Variants in NAALADL2 observed in about 807,000 individuals in gnomAD.
NAALADL2 encodes the protein inactive N-acetylated-alpha-linked acidic dipeptidase-like protein 2.
NAALADL2 carries 76 observed loss-of-function variants against 87.2 expected under a neutral mutation model. That is an observed-to-expected ratio of 0.87 (90% confidence interval 0.72 to 1.05). The LOEUF is 1.05. Among genes scored for constraint, NAALADL2 ranks in the 50% least tolerant of loss-of-function variants. The pLI is 0.00. For synonymous variants in NAALADL2, 354 were observed against 331.0 expected (o/e 1.07, Z -0.75); for missense variants, 1,089 against 945.8 (o/e 1.15, Z -1.99).
intron 9 of NAALADL2, among the ~76,000 whole-genome samples, chr3:175,562,906 C>T (rs1716497195): frequency 1.3e-5 from 2 of 151,712 alleles, no homozygotes; most frequent in African/African-American, 4.8e-5. Context: ...GGAGAAAACA[C>T]AGTTTTAAGT....
intron 1 of NAALADL2, among the ~76,000 whole-genome samples, chr3:175,090,722 C>T (rs1404308717): frequency 6.6e-6 from 1 of 152,050 alleles, no homozygotes; most frequent in African/African-American, 2.4e-5. Context: ...CTTGATTATC[C>T]ACTATGCCTA....
intron 1 of NAALADL2, among the ~76,000 whole-genome samples, chr3:174,959,513 C>T (rs1741673813): frequency 6.6e-6 from 1 of 151,888 alleles, no homozygotes; most frequent in Non-Finnish European, 1.5e-5. Context: ...GATTGCTGAG[C>T]ACAATACATA....
intron 4 of NAALADL2, among the ~76,000 whole-genome samples, chr3:175,294,478 G>T (rs1251714006): frequency 1.3e-5 from 2 of 152,068 alleles, no homozygotes; most frequent in African/African-American, 4.8e-5. Context: ...TCCTAAATAT[G>T]CACTTCCCCT....
At chr3:175,523,095 T>A (rs1732878906) in intron 9 of NAALADL2, among the ~76,000 whole-genome samples, 1 of 152,196 alleles carries the variant, frequency 6.6e-6, no homozygotes, top group South Asian at 2.1e-4. Flanking sequence ...TTTGACAGAT[T>A]CTTAATGGAA....
chr3:174,750,373 T>G (rs1013793235), intron 3 of NAALADL2, among the ~76,000 whole-genome samples: 3 of 152,190 alleles, frequency 2.0e-5, no homozygotes, highest in African/African-American at 7.2e-5. Context: ...ATCTTGGCTT[T>G]ATTCTCTTGA....
chr3:175,125,669 G>A (rs111233801), intron 2 of NAALADL2, among the ~76,000 whole-genome samples: 10 of 152,120 alleles, frequency 6.6e-5, no homozygotes, highest in African/African-American at 1.9e-4. Context: ...ATTTAAGGAG[G>A]CACCTATTTT....
chr3:175,017,746 A>T (rs868099254), intron 1 of NAALADL2, among the ~76,000 whole-genome samples: 3 of 152,050 alleles, frequency 2.0e-5, no homozygotes, highest in African/African-American at 7.2e-5. Flanking sequence ...TCACTAAATA[A>T]TATTTCTGAA....
At chr3:175,362,166 C>G (rs934920530) in intron 5 of NAALADL2, among the ~76,000 whole-genome samples, 8 of 148,022 alleles carry the variant, frequency 5.4e-5, no homozygotes, top group East Asian at 4.0e-4. Context: ...TGTCAAAGAT[C>G]AGATGGTTGT....
chr3:174,960,960 C>T (rs970327763), intron 1 of NAALADL2, among the ~76,000 whole-genome samples: 5 of 150,914 alleles, frequency 3.3e-5, no homozygotes, highest in Non-Finnish European at 7.4e-5. Context: ...TTGCTTGAGC[C>T]CAGGAGGTTG....
intron 6 of NAALADL2, among the ~76,000 whole-genome samples, chr3:175,458,561 T>C (rs953356336): frequency 5.4e-5 from 8 of 147,938 alleles, no homozygotes; most frequent in African/African-American, 2.0e-4. Context: ...ATATATTAAA[T>C]TTTATAATTT....
chr3:174,601,330 C>A (rs1282444679), intron 2 of NAALADL2, among the ~76,000 whole-genome samples: 1 of 152,060 alleles, frequency 6.6e-6, no homozygotes, highest in Middle Eastern at 3.2e-3. Context: ...TGGATAAAAG[C>A]CATTTTAACT....
chr3:174,789,030 C>T (rs536386866), intron 3 of NAALADL2, among the ~76,000 whole-genome samples: 5 of 152,282 alleles, frequency 3.3e-5, no homozygotes, highest in African/African-American at 4.8e-5. Flanking sequence ...TTCGATAGAA[C>T]GATTTTAATA....
chr3:175,426,208 CA>C (rs1262027895), intron 5 of NAALADL2, among the ~76,000 whole-genome samples: 2 of 152,050 alleles, frequency 1.3e-5, no homozygotes, highest in African/African-American at 4.8e-5. Context: ...ACTAAAAATA[CA>C]AAAATTCGCT....
chr3:174,613,863 T>G (rs533043794), intron 2 of NAALADL2, among the ~76,000 whole-genome samples: 1 of 152,300 alleles, frequency 6.6e-6, no homozygotes, highest in Non-Finnish European at 1.5e-5. Context: ...TTGCTGCTGG[T>G]TATTCAGGGC....
intron 1 of NAALADL2, among the ~76,000 whole-genome samples, chr3:174,938,417 A>G (rs1295850721): frequency 2.0e-5 from 3 of 151,912 alleles, no homozygotes; most frequent in Admixed American, 6.6e-5. Context: ...TCTTTATTCA[A>G]TTTGTCATTG....
chr3:175,225,407 G>C (rs1261080322), intron 2 of NAALADL2, among the ~76,000 whole-genome samples: 1 of 152,060 alleles, frequency 6.6e-6, no homozygotes, highest in African/African-American at 2.4e-5. Context: ...CTAAGTGCTA[G>C]ACTTCTATAG....
chr3:175,541,259 A>G (rs1712270319), intron 9 of NAALADL2, among the ~76,000 whole-genome samples: 1 of 152,198 alleles, frequency 6.6e-6, no homozygotes, highest in African/African-American at 2.4e-5. Flanking sequence ...CTACTCTCCA[A>G]ACAGTAGAAT....
intron 10 of NAALADL2, among the ~76,000 whole-genome samples, chr3:175,577,037 G>A (rs1436578809): frequency 2.0e-5 from 3 of 151,912 alleles, no homozygotes; most frequent in Non-Finnish European, 4.4e-5. Context: ...GTAATATTTG[G>A]CTTTATGTTT....
chr3:175,786,213 C>A (rs557565009), intron 13 of NAALADL2, among the ~76,000 whole-genome samples: 1 of 151,656 alleles, frequency 6.6e-6, no homozygotes, highest in African/African-American at 2.4e-5. Flanking sequence ...ATCTTTGTGG[C>A]GTTCTCTGTA....
Sources: gnomAD v4.1 joint callset for allele counts (sites outside exome capture counted in the v4.1 genomes callset) on GRCh38, gnomAD v4.1.1 for gene constraint, MANE v1.5 for transcripts, NCBI Gene and HGNC (gene_info 2026-07-23, HGNC 2026-07-21) for gene names.